The following CAPZB variants were observed in gnomAD, a reference collection of about 807,000 sequenced individuals.
CAPZB encodes capping actin protein of muscle Z-line subunit beta.
CAPZB carries 2 observed loss-of-function variants against 38.1 expected under a neutral mutation model. That is an observed-to-expected ratio of 0.05 (90% CI 0.02 to 0.17). CAPZB has a LOEUF of 0.17. Among genes scored for constraint, CAPZB ranks in the 10% least tolerant of loss-of-function variants. CAPZB has a pLI of 1.00. For missense variants in CAPZB, 161 were observed against 334.2 expected (o/e 0.48, Z 4.04); for synonymous variants, 107 against 127.4 (o/e 0.84, Z 1.08).
intron 1 of CAPZB, among the ~76,000 whole-genome samples, chr1:19,476,508 T>G (rs1005165089): frequency 6.6e-6 from 1 of 152,162 alleles, no homozygotes; most frequent in Non-Finnish European, 1.5e-5. Flanking sequence ...TGGGGCTTCA[T>G]AGGAAAAAGC....
intron 1 of CAPZB, among the ~76,000 whole-genome samples, chr1:19,478,423 T>C (rs1448405821): frequency 2.6e-5 from 4 of 152,132 alleles, no homozygotes; most frequent in African/African-American, 9.7e-5. Flanking sequence ...CATCACTACG[T>C]GCCAGGTGAA....
chr1:19,375,571 C>T (rs1406814838), intron 4 of CAPZB, among the ~76,000 whole-genome samples: 2 of 152,252 alleles, frequency 1.3e-5, no homozygotes, highest in East Asian at 1.9e-4. Flanking sequence ...TTATCCAGTT[C>T]GACCCCCAAC....
chr1:19,360,739 C>T (rs926989573), intron 4 of CAPZB, among the ~76,000 whole-genome samples: 1 of 152,348 alleles, frequency 6.6e-6, no homozygotes, highest in South Asian at 2.1e-4. Context: ...TCCAATGTCC[C>T]ACCCTGTGGC....
chr1:19,432,282 A>C (rs1361409850), intron 1 of CAPZB, among the ~76,000 whole-genome samples: 2 of 151,380 alleles, frequency 1.3e-5, no homozygotes, highest in Non-Finnish European at 2.9e-5. Flanking sequence ...TCTCCATCCA[A>C]AATACAAAAA....
chr1:19,430,350 T>G (rs778629370), intron 1 of CAPZB, among the ~76,000 whole-genome samples: 1 of 152,232 alleles, frequency 6.6e-6, no homozygotes, highest in Non-Finnish European at 1.5e-5. Flanking sequence ...ATATCCGAAA[T>G]GAGTCATACT....
intron 2 of CAPZB, among the ~76,000 whole-genome samples, chr1:19,407,486 C>T (rs996337903): frequency 6.6e-6 from 1 of 151,986 alleles, no homozygotes; most frequent in African/African-American, 2.4e-5. Flanking sequence ...AAGAAGGGGA[C>T]AAGAGATTCA....
intron 1 of CAPZB, among the ~76,000 whole-genome samples, chr1:19,452,887 TCTGCCTCCTGAGTTCAAGCGATTCAC>T (rs1396248213): frequency 6.8e-6 from 1 of 147,876 alleles, no homozygotes; most frequent in Non-Finnish European, 1.5e-5. Context: ...CACTGCAACC[TCTGCCTCCTGAGTTCAAGCGATTCAC>T]CTGCCTCAGT....
intron 1 of CAPZB, among the ~76,000 whole-genome samples, chr1:19,476,258 G>A (rs1363602337): frequency 2.0e-5 from 3 of 152,080 alleles, no homozygotes; most frequent in Middle Eastern, 3.2e-3. Flanking sequence ...GCACATGCCT[G>A]TTATCCCAGC....
rs2093911443 is a variant in CAPZB at position 19,338,936 on chromosome 1, G to C, written c.*594C>G. The C allele has an allele frequency of 6.6e-6, 1 of 152,544 alleles. No individual in the cohort carries two copies. The highest frequency in any genetic ancestry group is 2.4e-5 in the African/African-American group (1 of 41,426). The allele number at this position is 152,544 out of a possible 1,614,324, so 9.4% of individuals were successfully genotyped here. A position where few individuals can be genotyped will look rare whatever the true frequency, so the allele number is the denominator to read the frequency against. On this transcript the variant is annotated 3_prime_UTR_variant, in exon 9 of 9. Transcript: ENST00000264202. ...CATAGAAATTGACAGAAAAGCACCTGGCCGGAAGAGCGGAACGGTCGGCGG... is the reference window on the plus strand; with the variant it reads ...CATAGAAATTGACAGAAAAGCACCTCGCCGGAAGAGCGGAACGGTCGGCGG...
At chr1:19,463,326 C>T (rs1191104722) in intron 1 of CAPZB, among the ~76,000 whole-genome samples, 1 of 152,212 alleles carries the variant, frequency 6.6e-6, no homozygotes, top group African/African-American at 2.4e-5. Flanking sequence ...ACTGAGCATT[C>T]TTTAACACAG....
At chr1:19,447,576 C>A (rs1325350166) in intron 1 of CAPZB, among the ~76,000 whole-genome samples, 1 of 152,054 alleles carries the variant, frequency 6.6e-6, no homozygotes, top group Non-Finnish European at 1.5e-5. Flanking sequence ...TCATAGAAGG[C>A]TGAAACCACA....
chr1:19,360,338 C>CA (rs1163493839), intron 4 of CAPZB, among the ~76,000 whole-genome samples: 3 of 152,112 alleles, frequency 2.0e-5, no homozygotes, highest in African/African-American at 7.2e-5. Flanking sequence ...GAAAAACAAA[C>CA]AAAAAAACCC....
chr1:19,368,500 A>AGGG (rs2094102740), intron 4 of CAPZB, among the ~76,000 whole-genome samples: 1 of 149,876 alleles, frequency 6.7e-6, no homozygotes, highest in African/African-American at 2.5e-5. Context: ...TCTTGGAAAA[A>AGGG]AAAAAAAAAA....
chr1:19,476,186 A>AGATG (rs2094605915), intron 1 of CAPZB, among the ~76,000 whole-genome samples: 1 of 125,952 alleles, frequency 7.9e-6, no homozygotes, highest in Non-Finnish European at 1.5e-5. Flanking sequence ...ATAGATAGAT[A>AGATG]GATAGATAGA....
intron 1 of CAPZB, among the ~76,000 whole-genome samples, chr1:19,438,731 C>T (rs1412227075): frequency 6.6e-6 from 1 of 152,220 alleles, no homozygotes; most frequent in Non-Finnish European, 1.5e-5. Flanking sequence ...CACGAGGCCA[C>T]ATGAGGTACT....
At position 19,357,810 on chromosome 1, in the gene CAPZB, G is replaced by GT. The variant is rs1206115464; in HGVS notation, c.330-248dup. The stretch of plus-strand genomic sequence containing the variant: ...TTGGACTCTGCCACCTCCTCTATCT[G>GT]TGTGGTCTTTGGCTTACTGAACCTC... On this transcript the variant is annotated intron_variant, in intron 4 of 8. Transcript: ENST00000264202. The surrounding 1 kb of genome is among the most constrained non-coding windows in gnomAD (Gnocchi z 4.3). Among the ~76,000 whole-genome samples the GT allele has an allele frequency of 1.2e-4, 19 of 152,270 alleles. No individual in the cohort carries two copies. Among genetic ancestry groups the GT allele is most frequent in the African/African-American group, 4.3e-4 (18 of 41,554 alleles).
chr1:19,443,816 C>G (rs191696068), intron 1 of CAPZB, among the ~76,000 whole-genome samples: 2 of 152,150 alleles, frequency 1.3e-5, no homozygotes, highest in African/African-American at 4.8e-5. Flanking sequence ...GCCTTCCTCA[C>G]CAAGAGGGAC....
At chr1:19,367,414 T>G (rs1259887528) in intron 4 of CAPZB, among the ~76,000 whole-genome samples, 2 of 152,222 alleles carry the variant, frequency 1.3e-5, no homozygotes, top group African/African-American at 4.8e-5. Context: ...TGTTGTGAGC[T>G]GCCCTGGAAG....
chr1:19,428,843 T>C (rs2094432762), intron 1 of CAPZB, among the ~76,000 whole-genome samples: 1 of 152,044 alleles, frequency 6.6e-6, no homozygotes, highest in Non-Finnish European at 1.5e-5. Context: ...CTCAAGGAGC[T>C]GTGACCTAAG....
Sources: gnomAD v4.1 joint callset for allele counts (sites outside exome capture counted in the v4.1 genomes callset) on GRCh38, gnomAD v4.1.1 for gene constraint, Gnocchi (gnomAD v3.1) non-coding constraint, MANE v1.5 for transcripts, NCBI Gene and HGNC (gene_info 2026-07-23, HGNC 2026-07-21) for gene names.